Variants in N4BP1 observed in about 807,000 individuals in gnomAD.
N4BP1 encodes the protein NEDD4-binding protein 1.
A neutral mutation model predicts 70.9 loss-of-function variants in N4BP1; 21 were observed. That is an observed-to-expected ratio of 0.30 (90% CI 0.21 to 0.43). The LOEUF (loss-of-function observed/expected upper bound fraction) is 0.43, where lower values mean the gene tolerates loss of function less well. N4BP1 is among the 20% of genes least tolerant of loss of function. N4BP1 has a pLI of 1.00. For missense variants in N4BP1, 936 were observed against 1,069.4 expected (o/e 0.88, Z 1.74); for synonymous variants, 387 against 394.6 (o/e 0.98, Z 0.23).
In N4BP1 at chr16:48,540,447, G is replaced by C. The variant is rs1488385927; in HGVS notation, c.*2457C>G. 1 of 152,510 alleles carries C rather than the reference G, an allele frequency of 6.6e-6. No homozygotes were observed. The highest frequency in any genetic ancestry group is 2.4e-5 in the African/African-American group (1 of 41,482). 9.4% of individuals were successfully genotyped at this position (152,510 alleles called of 1,614,324 possible). A position where few individuals can be genotyped will look rare whatever the true frequency, so the allele number is the denominator to read the frequency against. On this transcript the variant is annotated 3_prime_UTR_variant, in exon 7 of 7. Coordinates refer to ENST00000262384, the MANE Select transcript of N4BP1 (RefSeq NM_153029.4). ...CCGAGCCTGCCTAGCAACGCTGACC[G>C]GCCGCCCAGGATGGCCCAGACACCT...
intron 1 of N4BP1, among the ~76,000 whole-genome samples, chr16:48,567,758 T>C (rs967489996): frequency 2.0e-5 from 3 of 152,270 alleles, no homozygotes; most frequent in Admixed American, 6.5e-5. Flanking sequence ...ATCATGTTTC[T>C]TATTTTCTAT....
chr16:48,594,018 AC>A (rs749911821), intron 1 of N4BP1, among the ~76,000 whole-genome samples: 17,173 of 127,794 alleles, frequency 0.13, 2,997 homozygotes, highest in African/African-American at 0.24. Context: ...AAAAAAAAAA[AC>A]AAAAAAAAAA....
chr16:48,585,541 CTT>C (rs35508080), intron 1 of N4BP1, among the ~76,000 whole-genome samples: 9 of 140,910 alleles, frequency 6.4e-5, no homozygotes, highest in Admixed American at 1.4e-4. Flanking sequence ...TAGTAACGAA[CTT>C]TTTTTTTTTT....
chr16:48,554,692 T>A (rs944365596), intron 2 of N4BP1, among the ~76,000 whole-genome samples: 1 of 152,202 alleles, frequency 6.6e-6, no homozygotes, highest in Non-Finnish European at 1.5e-5. Flanking sequence ...TTCAGTCCTA[T>A]CTTCTCTCCA....
intron 1 of N4BP1, among the ~76,000 whole-genome samples, chr16:48,567,095 T>C (rs909180190): frequency 6.6e-6 from 1 of 152,224 alleles, no homozygotes; most frequent in African/African-American, 2.4e-5. Flanking sequence ...ACCTGTAATA[T>C]TTGAATTCAG....
intron 2 of N4BP1, among the ~76,000 whole-genome samples, chr16:48,557,708 T>C (rs138196893): frequency 4.2e-4 from 64 of 152,244 alleles, no homozygotes; most frequent in African/African-American, 1.5e-3. Context: ...CTAGGAAAGA[T>C]TGCCTGAGCC....
intron 1 of N4BP1, among the ~76,000 whole-genome samples, chr16:48,594,874 TTGAC>T (rs1451598993): frequency 1.3e-5 from 2 of 152,236 alleles, no homozygotes; most frequent in Non-Finnish European, 2.9e-5. Context: ...AATTGTGTCT[TTGAC>T]TGTGGCTGCC....
chr16:48,574,344 T>C (rs1380528650), intron 1 of N4BP1, among the ~76,000 whole-genome samples: 1 of 152,212 alleles, frequency 6.6e-6, no homozygotes, highest in Non-Finnish European at 1.5e-5. Flanking sequence ...TTATCTGACA[T>C]TTGAGATAAG....
At chr16:48,606,653 T>A (rs1383863618) in intron 1 of N4BP1, among the ~76,000 whole-genome samples, 1 of 152,238 alleles carries the variant, frequency 6.6e-6, no homozygotes, top group Non-Finnish European at 1.5e-5. Context: ...ACTATCACTG[T>A]CTACTAGTAG....
chr16:48,576,881 C>A (rs1964103257), intron 1 of N4BP1, among the ~76,000 whole-genome samples: 1 of 152,130 alleles, frequency 6.6e-6, no homozygotes, highest in South Asian at 2.1e-4. Flanking sequence ...TGGAACTACC[C>A]CATTTCTGTC....
chr16:48,557,527 T>G (rs1963773529), intron 2 of N4BP1, among the ~76,000 whole-genome samples: 1 of 152,168 alleles, frequency 6.6e-6, no homozygotes, highest in Non-Finnish European at 1.5e-5. Flanking sequence ...CACATAATAA[T>G]GGGTGATTCG....
At position 48,548,118 on chromosome 16, in the gene N4BP1, T is replaced by A; in HGVS notation, c.2118-4A>T. On this transcript the variant is annotated splice_region_variant and splice_polypyrimidine_tract_variant and intron_variant, in intron 4 of 6. Transcript: ENST00000262384. ...GTCCGCTAAGTGTAGTAGAAACCTATGGTAATATAAGAGAGTTTAAAATCA... is the reference window on the plus strand; with the variant it reads ...GTCCGCTAAGTGTAGTAGAAACCTAAGGTAATATAAGAGAGTTTAAAATCA... The A allele has an allele frequency of 1.9e-6, 3 of 1,568,750 alleles. No individual in the cohort carries two copies. Among genetic ancestry groups the A allele is most frequent in the South Asian group, 1.1e-5 (1 of 89,368 alleles).
chr16:48,563,699 T>C (rs181004175), intron 1 of N4BP1, among the ~76,000 whole-genome samples: 3 of 152,336 alleles, frequency 2.0e-5, no homozygotes, highest in East Asian at 1.9e-4. Context: ...TATGATTTTT[T>C]TGTCTGTTTT....
At chr16:48,585,308 G>A (rs986193297) in intron 1 of N4BP1, among the ~76,000 whole-genome samples, 1 of 151,780 alleles carries the variant, frequency 6.6e-6, no homozygotes, top group Non-Finnish European at 1.5e-5. Flanking sequence ...GATTAGGTAA[G>A]CTAATATTAC....
intron 2 of N4BP1, among the ~76,000 whole-genome samples, chr16:48,555,822 A>C (rs866015226): frequency 6.6e-6 from 1 of 152,218 alleles, no homozygotes; most frequent in East Asian, 1.9e-4. Flanking sequence ...AAACCAAGAA[A>C]TATGTATATT....
At position 48,572,396 on chromosome 16, in the gene N4BP1, C is replaced by G. The variant is rs552927974; in HGVS notation, c.199-9952G>C. On this transcript the variant is annotated intron_variant, in intron 1 of 6. Coordinates refer to ENST00000262384, the MANE Select transcript of N4BP1 (RefSeq NM_153029.4). ...CAAAAGAATGACAGTAAGAATGTCA[C>G]AAATTATCAAAAGCAATTCTGGATG... 6.6e-5 allele frequency among the ~76,000 whole-genome samples: 10 copies of G among 152,090 alleles called. No homozygotes were observed. The East Asian group carries it at 1.9e-3, about 29-fold the overall frequency.
chr16:48,598,031 A>C (rs1256711119), intron 1 of N4BP1, among the ~76,000 whole-genome samples: 2 of 152,208 alleles, frequency 1.3e-5, no homozygotes, highest in Non-Finnish European at 2.9e-5. Context: ...TCCCCTGAGA[A>C]GGGGGACTAC....
chr16:48,546,081 C>G, intron 6 of N4BP1, 66 bp downstream of exon 6: 1 of 1,032,142 alleles, frequency 9.7e-7, no homozygotes, highest in Non-Finnish European at 1.4e-6. Context: ...AAAGACAGCA[C>G]TTGCACTAAA....
chr16:48,609,079 G>T (rs544360318), intron 1 of N4BP1, among the ~76,000 whole-genome samples: 1 of 151,616 alleles, frequency 6.6e-6, no homozygotes, highest in South Asian at 2.1e-4. Context: ...GCCGGGCGTG[G>T]TGGCGCGCTC....
Sources: gnomAD v4.1 joint callset for allele counts (sites outside exome capture counted in the v4.1 genomes callset) on GRCh38, gnomAD v4.1.1 for gene constraint, MANE v1.5 for transcripts, NCBI Gene and HGNC (gene_info 2026-07-23, HGNC 2026-07-21) for gene names.